CDH13: variants seen among roughly 807,000 people sequenced by gnomAD.
The protein encoded by CDH13 is cadherin-13.
CDH13 carries 24 observed loss-of-function variants against 63.8 expected under a neutral mutation model. The observed-to-expected ratio is 0.38, with a 90% CI of 0.27 to 0.53. CDH13 has a LOEUF of 0.53. Among genes scored for constraint, CDH13 ranks in the 20% least tolerant of loss-of-function variants. The pLI, the probability that CDH13 is intolerant of heterozygous loss-of-function variation, is 0.85. For synonymous variants in CDH13, 503 were observed against 355.3 expected (o/e 1.42, Z -4.67); for missense variants, 1,049 against 903.1 (o/e 1.16, Z -2.07).
At chr16:83,598,000 C>G (rs953702801) in intron 7 of CDH13, among the ~76,000 whole-genome samples, 1 of 152,172 alleles carries the variant, frequency 6.6e-6, no homozygotes, top group African/African-American at 2.4e-5. Context: ...ATCACTGTAT[C>G]TCTAGTATCC....
At chr16:83,506,764 G>C (rs933846898) in intron 7 of CDH13, among the ~76,000 whole-genome samples, 1 of 152,168 alleles carries the variant, frequency 6.6e-6, no homozygotes, top group Non-Finnish European at 1.5e-5. Context: ...CCGTGTTGTA[G>C]GGAAGCTCAA....
intron 1 of CDH13, among the ~76,000 whole-genome samples, chr16:82,706,464 G>C (rs932250028): frequency 6.6e-6 from 1 of 152,138 alleles, no homozygotes; most frequent in Non-Finnish European, 1.5e-5. Flanking sequence ...GGAGCTGCTA[G>C]GTGGTTGGCC....
At chr16:83,213,624 C>T (rs1244285218) in intron 4 of CDH13, among the ~76,000 whole-genome samples, 2 of 152,254 alleles carry the variant, frequency 1.3e-5, no homozygotes, top group East Asian at 1.9e-4. Context: ...TTCCCATGTT[C>T]GTTGCTCGTC....
intron 8 of CDH13, among the ~76,000 whole-genome samples, chr16:83,634,798 C>G (rs4372680): frequency 0.98 from 148,863 of 152,292 alleles, 72,852 homozygotes; most frequent in Non-Finnish European, 1. Flanking sequence ...AGTGATATTC[C>G]ATGGTATGGT....
At chr16:83,569,025 C>A (rs4302022) in intron 7 of CDH13, among the ~76,000 whole-genome samples, 149,870 of 152,044 alleles carry the variant, frequency 0.99, 73,898 homozygotes, top group East Asian at 1. Context: ...AGCAATTCCA[C>A]ATTCCTTATA....
chr16:83,307,081 C>A (rs1200318218), intron 5 of CDH13, among the ~76,000 whole-genome samples: 1 of 152,130 alleles, frequency 6.6e-6, no homozygotes, highest in African/African-American at 2.4e-5. Context: ...TTGGGTGGGG[C>A]TGTCAATTTT....
intron 1 of CDH13, among the ~76,000 whole-genome samples, chr16:82,815,930 G>A (rs189029133): frequency 2.9e-4 from 44 of 152,290 alleles, no homozygotes; most frequent in Admixed American, 1.6e-3. Context: ...TGCAAGACAC[G>A]TGTTTAGGAC....
At chr16:83,080,871 G>GTT (rs71148809) in intron 3 of CDH13, among the ~76,000 whole-genome samples, 1,038 of 46,908 alleles carry the variant, frequency 0.022, 240 homozygotes, top group Middle Eastern at 0.11. Flanking sequence ...TTGTTTTTGT[G>GTT]TTTTTTTTTT....
At chr16:82,696,250 C>G (rs969778987) in intron 1 of CDH13, among the ~76,000 whole-genome samples, 1 of 152,112 alleles carries the variant, frequency 6.6e-6, no homozygotes, top group Admixed American at 6.5e-5. Context: ...ATTTTATTCA[C>G]GTTATATATT....
At chr16:83,285,935 G>A (rs1184026228) in intron 5 of CDH13, among the ~76,000 whole-genome samples, 1 of 152,202 alleles carries the variant, frequency 6.6e-6, no homozygotes, top group Non-Finnish European at 1.5e-5. Context: ...ACAGACCAAG[G>A]AGCGTGGGCG....
At chr16:83,331,410 A>G (rs2090477667) in intron 5 of CDH13, among the ~76,000 whole-genome samples, 1 of 152,194 alleles carries the variant, frequency 6.6e-6, no homozygotes. Flanking sequence ...TGTCCTATGT[A>G]CTTAATGTGT....
chr16:83,292,620 C>G (rs900156093), intron 5 of CDH13, among the ~76,000 whole-genome samples: 2 of 152,124 alleles, frequency 1.3e-5, no homozygotes, highest in Non-Finnish European at 2.9e-5. Context: ...CCATCACACA[C>G]TCTCACTAAG....
rs1449350397 is a variant in CDH13, at chr16:83,479,311, A to C, written c.782-7166A>C. Reference sequence around the variant, plus strand: ...AAGCTATTTCCCTCGTCATGATTGCACTCAGCAGTGGGTCCTCACAGAACT... The same window carrying C: ...AAGCTATTTCCCTCGTCATGATTGCCCTCAGCAGTGGGTCCTCACAGAACT... On this transcript the variant is annotated intron_variant, in intron 6 of 13. Transcript: ENST00000567109. Among the ~76,000 whole-genome samples the C allele has an allele frequency of 3.9e-5, 6 of 152,152 alleles. No homozygotes were observed. The East Asian group carries it at 1.2e-3, about 29-fold the overall frequency.
intron 1 of CDH13, among the ~76,000 whole-genome samples, chr16:82,802,471 G>T (rs965424931): frequency 9.9e-5 from 15 of 152,086 alleles, no homozygotes; most frequent in Admixed American, 5.9e-4. Flanking sequence ...GAGATTCAGA[G>T]GTTCTCCTTT....
intron 1 of CDH13, among the ~76,000 whole-genome samples, chr16:82,843,470 T>A (rs568387703): frequency 6.6e-6 from 1 of 152,234 alleles, no homozygotes; most frequent in East Asian, 1.9e-4. Flanking sequence ...GGGGAAGATA[T>A]GTGGCATTCT....
intron 5 of CDH13, among the ~76,000 whole-genome samples, chr16:83,229,039 G>C (rs578152351): frequency 6.6e-6 from 1 of 152,244 alleles, no homozygotes; most frequent in African/African-American, 2.4e-5. Flanking sequence ...GAAAAGAGTA[G>C]CAGGAATGCG....
chr16:82,968,284 C>G (rs1226063264), intron 2 of CDH13, among the ~76,000 whole-genome samples: 1 of 152,216 alleles, frequency 6.6e-6, no homozygotes, highest in Non-Finnish European at 1.5e-5. Context: ...TATTGCTTCA[C>G]TTAAAATCTG....
intron 1 of CDH13, among the ~76,000 whole-genome samples, chr16:82,726,990 A>G (rs2033132046): frequency 6.6e-6 from 1 of 152,130 alleles, no homozygotes; most frequent in Non-Finnish European, 1.5e-5. Context: ...AATTACTACA[A>G]AACTGCTTTT....
intron 5 of CDH13, among the ~76,000 whole-genome samples, chr16:83,227,964 G>T (rs1033741451): frequency 3.3e-5 from 5 of 152,144 alleles, no homozygotes; most frequent in Non-Finnish European, 7.4e-5. Context: ...TAGTGAGTAT[G>T]TGACGATCAG....
Sources: allele counts gnomAD v4.1 joint callset (sites outside exome capture counted in the v4.1 genomes callset), GRCh38; gene constraint gnomAD v4.1.1; transcripts MANE v1.5; gene names NCBI Gene and HGNC (gene_info 2026-07-23, HGNC 2026-07-21).